MAJIN: variants seen among roughly 807,000 people sequenced by gnomAD.
The protein encoded by MAJIN is membrane anchored junction protein.
Under a neutral mutation model 30.2 loss-of-function variants are expected in MAJIN, and 27 were observed. The ratio of observed to expected loss-of-function variants is 0.89; its 90% CI spans 0.66 to 1.23. MAJIN has a LOEUF of 1.23. MAJIN is among the 50% of genes most tolerant of loss of function. The pLI is 0.00. For synonymous variants in MAJIN, 78 were observed against 91.6 expected (o/e 0.85, Z 0.85); for missense variants, 253 against 260.3 (o/e 0.97, Z 0.19).
intron 3 of MAJIN, among the ~76,000 whole-genome samples, chr11:64,956,763 G>GTT (rs398016405): frequency 0.016 from 1,677 of 102,436 alleles, 93 homozygotes; most frequent in East Asian, 0.059. Context: ...CATATAAGCT[G>GTT]TTTTTTTTTT....
chr11:64,940,133 T>C (rs1945352147), intron 9 of MAJIN, among the ~76,000 whole-genome samples: 1 of 152,160 alleles, frequency 6.6e-6, no homozygotes, highest in African/African-American at 2.4e-5. Context: ...GATCAGCAAG[T>C]AGGGAGGGCA....
At chr11:64,968,825 C>CT (rs1313667436) in intron 1 of MAJIN, among the ~76,000 whole-genome samples, 2 of 147,676 alleles carry the variant, frequency 1.4e-5, no homozygotes, top group African/African-American at 2.5e-5. Context: ...GAGCGAGACT[C>CT]TGTCTCAAAA....
At chr11:64,947,739 A>G in intron 7 of MAJIN, 49 bp downstream of exon 7, 2 of 1,545,086 alleles carry the variant, frequency 1.3e-6, no homozygotes, top group Admixed American at 1.7e-5. Flanking sequence ...TTTGGAAAAA[A>G]GAAGGTGATA....
Position 64,952,701 on chromosome 11 carries a change from A to G in MAJIN, c.147+2056T>C, listed in dbSNP as rs183067835. On this transcript the variant is annotated intron_variant, in intron 4 of 10. Coordinates refer to ENST00000301896, the MANE Select transcript of MAJIN (RefSeq NM_001037225.3). ...CCCTAGGCTAGCCTGCTTCTCAGTA[A>G]ATGTTTTCTTTTTTTGTTTTTGAGA... 4.2e-3 allele frequency among the ~76,000 whole-genome samples: 632 copies of G among 151,858 alleles called. 3 individuals are homozygous for G. The highest frequency in any genetic ancestry group is 5.8e-3 in the Non-Finnish European group (397 of 67,880).
Position 64,953,701 on chromosome 11 carries a change from G to T in MAJIN, c.147+1056C>A, listed in dbSNP as rs147300612. ...AGCTGCTTGGGAGGCTGAGGCAGGA[G>T]AATCGCTGGAACTTGGGAGATGGAG... On this transcript the variant is annotated intron_variant, in intron 4 of 10. Coordinates refer to ENST00000301896, the MANE Select transcript of MAJIN (RefSeq NM_001037225.3). 3.2e-3 allele frequency among the ~76,000 whole-genome samples: 483 copies of T among 152,308 alleles called. 2 individuals carry two copies. Among genetic ancestry groups the T allele is most frequent in the African/African-American group, 0.011 (463 of 41,562 alleles).
rs1369546461 is a variant in MAJIN, at chr11:64,972,000, G to A, written c.-188C>T. ...CTAAGAAGTGCTCTCTGAAAAAGGC[G>A]GGCGCCAACCTCGAACGAAGTCGTT... On this transcript the variant is annotated 5_prime_UTR_variant, in exon 1 of 11. Coordinates refer to ENST00000301896, the MANE Select transcript of MAJIN (RefSeq NM_001037225.3). 6.6e-6 allele frequency: 1 copy of A among 152,202 alleles called. No individual in the cohort carries two copies. The highest frequency in any genetic ancestry group is 1.9e-4 in the East Asian group (1 of 5,186). 9.4% of individuals were successfully genotyped at this position (152,202 alleles called of 1,614,324 possible).
chr11:64,970,966 G>A (rs1042237024), intron 1 of MAJIN, among the ~76,000 whole-genome samples: 5 of 152,194 alleles, frequency 3.3e-5, no homozygotes, highest in Admixed American at 6.6e-5. Flanking sequence ...TAGACCAGAG[G>A]AGCACTTTAG....
intron 9 of MAJIN, among the ~76,000 whole-genome samples, chr11:64,940,089 T>A (rs1945351647): frequency 6.6e-6 from 1 of 152,238 alleles, no homozygotes; most frequent in East Asian, 1.9e-4. Flanking sequence ...CTGTGATAAC[T>A]GCAGTCCACA....
intron 8 of MAJIN, among the ~76,000 whole-genome samples, chr11:64,945,790 G>A (rs1341173546): frequency 6.6e-6 from 1 of 152,170 alleles, no homozygotes; most frequent in African/African-American, 2.4e-5. Flanking sequence ...GCCTGCCTCA[G>A]CCTCCCAAAA....
chr11:64,970,272 A>C (rs1300879606), intron 1 of MAJIN, among the ~76,000 whole-genome samples: 1 of 147,036 alleles, frequency 6.8e-6, no homozygotes, highest in Admixed American at 6.8e-5. Flanking sequence ...CTGAGGCAGG[A>C]GCATCGCTTG....
chr11:64,954,788 T>G lies in MAJIN; in HGVS notation c.116A>C (p.Glu39Ala), dbSNP rs1945605870. 2 of 1,612,618 alleles carry G rather than the reference T, an allele frequency of 1.2e-6. No individual in the cohort carries two copies. The highest frequency in any genetic ancestry group is 4.5e-5 in the East Asian group (2 of 44,876). ...CTCCTGGGTGATGACTTCCTTATTTTCTATCTCTTCTCCTCTAGAAGGTAA... is the reference window on the plus strand; with the variant it reads ...CTCCTGGGTGATGACTTCCTTATTTGCTATCTCTTCTCCTCTAGAAGGTAA... ...YGKSIRGEEI[E>A]NKEVITQELE... The change falls in exon 4 of 11, where the codon GAA (glutamate) becomes GCA (alanine). Residue 39 changes from glutamate (E) to alanine (A), a missense_variant. Transcript: ENST00000301896.
rs528152528 is a variant in MAJIN, at chr11:64,949,921, A to T, written c.224-53T>A. The T allele has an allele frequency of 1.5e-5, 23 of 1,581,576 alleles. No individual in the cohort carries two copies. In the Admixed American group the frequency reaches 3.5e-4, roughly 24 times the overall value. On this transcript the variant is annotated intron_variant, in intron 5 of 10. Transcript: ENST00000301896. ...AAGATGCCAGTATGCATTCCTAAGT[A>T]CTATTTTAGGGATGAGACTCTCTCT...
chr11:64,969,115 T>C (rs1265856990), intron 1 of MAJIN, among the ~76,000 whole-genome samples: 4 of 152,082 alleles, frequency 2.6e-5, no homozygotes, highest in African/African-American at 9.7e-5. Context: ...AGGTAGACAA[T>C]GGTACATACT....
intron 1 of MAJIN, among the ~76,000 whole-genome samples, chr11:64,965,833 G>A (rs939533187): frequency 2.8e-4 from 43 of 151,924 alleles, no homozygotes; most frequent in African/African-American, 9.4e-4. Flanking sequence ...GCAGGCGCCT[G>A]TAGTCCCAGC....
chr11:64,961,019 T>C (rs1945712690), intron 1 of MAJIN, among the ~76,000 whole-genome samples: 1 of 152,200 alleles, frequency 6.6e-6, no homozygotes, highest in Admixed American at 6.5e-5. Context: ...TGATGCCCCA[T>C]ACCAAAGGCA....
In MAJIN at chr11:64,939,655, G is replaced by A; in HGVS notation, c.*1+7C>T. 2 of 1,612,168 alleles carry A rather than the reference G, an allele frequency of 1.2e-6. No individual in the cohort carries two copies. Among genetic ancestry groups the A allele is most frequent in the Non-Finnish European group, 1.7e-6 (2 of 1,178,422 alleles). On this transcript the variant is annotated splice_region_variant and intron_variant, in intron 10 of 10. Coordinates refer to ENST00000301896, the MANE Select transcript of MAJIN (RefSeq NM_001037225.3). ...TCGAGTCTGATGCCGGACAGAAGCT[G>A]TCTTACCTTAGAAACCCAAAGAAGC... is the stretch of plus-strand genomic sequence containing the variant.
At chr11:64,963,630 G>T (rs1276239145) in intron 1 of MAJIN, among the ~76,000 whole-genome samples, 1 of 152,178 alleles carries the variant, frequency 6.6e-6, no homozygotes, top group Non-Finnish European at 1.5e-5. Context: ...CTGAGGTCGG[G>T]AGTTTGAGAC....
At chr11:64,959,118 G>A (rs1945682973) in intron 3 of MAJIN, among the ~76,000 whole-genome samples, 187 bp downstream of exon 3, 1 of 146,598 alleles carries the variant, frequency 6.8e-6, no homozygotes, top group African/African-American at 2.5e-5. Flanking sequence ...AAAAAAAGTT[G>A]TCCCTCATTT....
chr11:64,956,386 G>A (rs1815694159), intron 3 of MAJIN, among the ~76,000 whole-genome samples: 1 of 151,996 alleles, frequency 6.6e-6, no homozygotes, highest in African/African-American at 2.4e-5. Context: ...TTACTTGGGA[G>A]GTTGCAGTAG....
Sources: gnomAD v4.1 joint callset for allele counts (sites outside exome capture counted in the v4.1 genomes callset) on GRCh38, gnomAD v4.1.1 for gene constraint, MANE v1.5 for transcripts, NCBI Gene and HGNC (gene_info 2026-07-23, HGNC 2026-07-21) for gene names.